The following KLHL3 variants were observed in gnomAD, a reference collection of about 807,000 sequenced individuals.
KLHL3 encodes the protein kelch-like protein 3.
Under a neutral mutation model 70.5 loss-of-function variants are expected in KLHL3, and 19 were observed. That is an observed-to-expected ratio of 0.27 (90% CI 0.19 to 0.40). The LOEUF (loss-of-function observed/expected upper bound fraction) is 0.40, where lower values mean the gene tolerates loss of function less well. Among genes scored for constraint, KLHL3 ranks in the 10% least tolerant of loss-of-function variants. KLHL3 has a pLI of 1.00. For missense variants in KLHL3, 512 were observed against 771.1 expected (o/e 0.66, Z 3.98); for synonymous variants, 258 against 290.3 (o/e 0.89, Z 1.13).
chr5:137,626,253 G>A (rs1478425867), intron 13 of KLHL3, among the ~76,000 whole-genome samples: 1 of 152,184 alleles, frequency 6.6e-6, no homozygotes, highest in African/African-American at 2.4e-5. Flanking sequence ...TGCCAGGCCT[G>A]AGCTAGGGAA....
At chr5:137,631,829 G>C (rs940236992) in intron 12 of KLHL3, among the ~76,000 whole-genome samples, 1 of 152,260 alleles carries the variant, frequency 6.6e-6, no homozygotes, top group Middle Eastern at 3.4e-3. Flanking sequence ...GAGGAGGAGC[G>C]TATTATCTCA....
chr5:137,628,415 C>T lies in KLHL3; in HGVS notation c.1473G>A (p.Gln491=), dbSNP rs750914578. The change falls in exon 13 of 15, where the codon CAG becomes CAA. Residue 491 remains glutamine (Q), a synonymous_variant. Coordinates refer to ENST00000309755, the MANE Select transcript of KLHL3 (RefSeq NM_017415.3). ...SGAGVGVLSG[Q]LYATGGHDGP... ...CATCATGCCCACCTGTGGCGTACAG[C>T]TGTCCGCTAAGCACTCCAACCCCTG... The T allele has an allele frequency of 4.3e-6, 7 of 1,614,204 alleles. No homozygotes were observed. The highest frequency in any genetic ancestry group is 5.9e-6 in the Non-Finnish European group (7 of 1,180,040).
intron 6 of KLHL3, among the ~76,000 whole-genome samples, chr5:137,664,677 G>C (rs1239942573): frequency 6.6e-6 from 1 of 151,626 alleles, no homozygotes; most frequent in African/African-American, 2.4e-5. Flanking sequence ...AATCAGTCAG[G>C]CATGGTGGCA....
Position 137,649,938 on chromosome 5 carries a change from T to A in KLHL3, c.903+8193A>T, listed in dbSNP as rs1580732204. Reference sequence around the variant, plus strand: ...GTAAAACCCTGGGCAAATCACTCAGTCTTACTCAATCTCACCGATTCTCAG... The same window carrying A: ...GTAAAACCCTGGGCAAATCACTCAGACTTACTCAATCTCACCGATTCTCAG... On this transcript the variant is annotated intron_variant, in intron 8 of 14. Transcript: ENST00000309755. Among the ~76,000 whole-genome samples the A allele has an allele frequency of 2.0e-5, 3 of 152,300 alleles. No individual in the cohort carries two copies. In the South Asian group the frequency reaches 6.2e-4, roughly 32 times the overall value.
chr5:137,669,138 A>G (rs1751687769), intron 6 of KLHL3, among the ~76,000 whole-genome samples: 1 of 152,170 alleles, frequency 6.6e-6, no homozygotes, highest in African/African-American at 2.4e-5. Context: ...ACATTACCCA[A>G]CAAATTAGTG....
chr5:137,679,199 G>C (rs1218882068), intron 5 of KLHL3, among the ~76,000 whole-genome samples: 1 of 151,624 alleles, frequency 6.6e-6, no homozygotes, highest in Non-Finnish European at 1.5e-5. Context: ...GAAAGTACTG[G>C]ATTCTCCCTC....
At chr5:137,712,888 A>G (rs1334427187) in intron 2 of KLHL3, among the ~76,000 whole-genome samples, 1 of 152,210 alleles carries the variant, frequency 6.6e-6, no homozygotes, top group Non-Finnish European at 1.5e-5. Context: ...TGCTAATAGT[A>G]AATATTTAGC....
chr5:137,643,189 A>G (rs1580727509), intron 8 of KLHL3, among the ~76,000 whole-genome samples: 1 of 151,970 alleles, frequency 6.6e-6, no homozygotes, highest in East Asian at 1.9e-4. Flanking sequence ...CGTCTCTACA[A>G]AAAATACAAA....
chr5:137,665,465 T>C (rs1022634964), intron 6 of KLHL3, among the ~76,000 whole-genome samples: 2 of 152,224 alleles, frequency 1.3e-5, no homozygotes, highest in Non-Finnish European at 2.9e-5. Context: ...TGCAATTTAC[T>C]GTCAAATGAT....
intron 12 of KLHL3, chr5:137,629,494 G>T (rs1334703183): frequency 6.6e-6 from 1 of 152,208 alleles, no homozygotes. Flanking sequence ...GGGATGTGCA[G>T]AAAGTTCCTC....
At chr5:137,728,625 C>T (rs1015976534) in intron 1 of KLHL3, among the ~76,000 whole-genome samples, 9 of 152,118 alleles carry the variant, frequency 5.9e-5, no homozygotes, top group Non-Finnish European at 1.3e-4. Flanking sequence ...AGTTCTTAGA[C>T]TCTTTCTATT....
chr5:137,699,257 C>T lies in KLHL3; in HGVS notation c.242-849G>A, dbSNP rs943511248. On this transcript the variant is annotated intron_variant, in intron 3 of 14. Coordinates refer to ENST00000309755, the MANE Select transcript of KLHL3 (RefSeq NM_017415.3). ...GGATGAGCTGAATCTGGGATCCATT[C>T]GTGCAAAGAGAAGAAAGTACCAAAA... Among the ~76,000 whole-genome samples, 52 of 152,054 alleles carry T rather than the reference C, an allele frequency of 3.4e-4. 1 individual carries two copies. Among genetic ancestry groups the T allele is most frequent in the African/African-American group, 1.2e-3 (50 of 41,392 alleles).
At chr5:137,643,719 T>C (rs183028480) in intron 8 of KLHL3, among the ~76,000 whole-genome samples, 20 of 152,324 alleles carry the variant, frequency 1.3e-4, no homozygotes, top group African/African-American at 4.6e-4. Context: ...CAAACACTTA[T>C]TATTTCTTTG....
rs1756347036 is a variant in KLHL3, at chr5:137,619,894, C to G, written c.*2204G>C. 1 of 152,530 alleles carries G rather than the reference C, an allele frequency of 6.6e-6. No individual in the cohort carries two copies. The highest frequency in any genetic ancestry group is 2.1e-4 in the South Asian group (1 of 4,830). 9.4% of individuals were successfully genotyped at this position (152,530 alleles called of 1,614,324 possible). On this transcript the variant is annotated 3_prime_UTR_variant, in exon 15 of 15. Transcript: ENST00000309755. ...TAGCCTCTCCCGCATGAAAGTCTAG[C>G]TTCTCAGTGGTGGGGGAGGGGCAGG...
intron 6 of KLHL3, among the ~76,000 whole-genome samples, chr5:137,662,481 G>A (rs745583873): frequency 6.6e-6 from 1 of 152,178 alleles, no homozygotes; most frequent in Non-Finnish European, 1.5e-5. Flanking sequence ...TATGTCCCGT[G>A]TAAAGTTAAT....
At position 137,704,972 on chromosome 5, in the gene KLHL3, C is replaced by T. The variant is rs367717976; in HGVS notation, c.241+4778G>A. On this transcript the variant is annotated intron_variant, in intron 3 of 14. Transcript: ENST00000309755. ...AGCCACGTGGAAGGTGAAGCCATTG[C>T]TCCTTCATCCCAGGCAGCCTCTGAC... 5.3e-5 allele frequency among the ~76,000 whole-genome samples: 8 copies of T among 152,170 alleles called. 1 individual carries two copies. The highest frequency in any genetic ancestry group is 4.6e-4 in the Admixed American group (7 of 15,282).
intron 14 of KLHL3, 121 bp downstream of exon 14, chr5:137,625,632 G>A: frequency 9.6e-7 from 1 of 1,037,780 alleles, no homozygotes. Context: ...CATCCCTGGA[G>A]GAGGCACTCA....
rs780005197 is a variant in KLHL3, at chr5:137,639,936, G to T, written c.945C>A (p.Arg315=). ...VVGGQAPKAI[R]SVECYDFEED... is the part of the protein sequence containing the mutation. ...CCTCGAAATCATAGCACTCCACACT[G>T]CGGATTGCCTTGGGTGCCTGGCCGC... Residue 315 remains arginine (R), a synonymous_variant, in exon 9 of 15, where the codon CGC becomes CGA. Transcript: ENST00000309755. The surrounding 1 kb of genome is among the most constrained non-coding windows in gnomAD (Gnocchi z 5.0). The T allele has an allele frequency of 6.2e-7, 1 of 1,614,072 alleles. No homozygotes were observed. The highest frequency in any genetic ancestry group is 1.3e-5 in the African/African-American group (1 of 74,924).
chr5:137,688,877 T>A (rs1752251320), intron 5 of KLHL3, among the ~76,000 whole-genome samples: 1 of 152,232 alleles, frequency 6.6e-6, no homozygotes, highest in African/African-American at 2.4e-5. Context: ...GATGTCTGCA[T>A]ACACAGACCC....
Sources: gnomAD v4.1 joint callset for allele counts (sites outside exome capture counted in the v4.1 genomes callset) on GRCh38, gnomAD v4.1.1 for gene constraint, Gnocchi (gnomAD v3.1) non-coding constraint, MANE v1.5 for transcripts, NCBI Gene and HGNC (gene_info 2026-07-23, HGNC 2026-07-21) for gene names.